The following IQUB variants were observed in gnomAD, a reference collection of about 807,000 sequenced individuals.
IQUB encodes the protein IQ motif and ubiquitin domain containing, also known as IQ motif and ubiquitin-like domain-containing protein.
In IQUB, 86 loss-of-function variants were observed where a neutral mutation model predicts 86.4. That is an observed-to-expected ratio of 1.00 (90% CI 0.84 to 1.19). IQUB has a LOEUF of 1.19. IQUB is among the 50% of genes most tolerant of loss of function. IQUB has a pLI of 0.00. For synonymous variants in IQUB, 289 were observed against 304.5 expected (o/e 0.95, Z 0.53); for missense variants, 946 against 916.9 (o/e 1.03, Z -0.41).
chr7:123,509,897 T>C lies in IQUB; in HGVS notation c.532+4A>G. The C allele has an allele frequency of 6.3e-7, 1 of 1,598,102 alleles. No individual in the cohort carries two copies. The highest frequency in any genetic ancestry group is 8.5e-7 in the Non-Finnish European group (1 of 1,175,214). On this transcript the variant is annotated splice_donor_region_variant and intron_variant, in intron 3 of 12. Coordinates refer to ENST00000324698, the MANE Select transcript of IQUB (RefSeq NM_178827.5). ...TGATATGTTTTATTAGCCTCCAAAC[T>C]TACCTGAGTATCTTATCTGCAGTAC...
intron 7 of IQUB, among the ~76,000 whole-genome samples, chr7:123,483,521 A>G (rs890293783): frequency 6.6e-6 from 1 of 152,218 alleles, no homozygotes; most frequent in East Asian, 1.9e-4. Flanking sequence ...TTCATTCCCA[A>G]TTCAAAACAC....
intron 7 of IQUB, among the ~76,000 whole-genome samples, 184 bp downstream of exon 7, chr7:123,496,512 T>A (rs1371043983): frequency 6.6e-6 from 1 of 152,186 alleles, no homozygotes; most frequent in African/African-American, 2.4e-5. Context: ...GCATTTCTAA[T>A]TTCATTTCAG....
chr7:123,453,992 A>G (rs1793572089), intron 12 of IQUB, among the ~76,000 whole-genome samples: 1 of 152,180 alleles, frequency 6.6e-6, no homozygotes, highest in Non-Finnish European at 1.5e-5. Flanking sequence ...TTTTCTGAGA[A>G]TAAGACATTC....
chr7:123,523,871 G>T (rs1797041133), intron 1 of IQUB, among the ~76,000 whole-genome samples: 1 of 152,058 alleles, frequency 6.6e-6, no homozygotes, highest in South Asian at 2.1e-4. Context: ...ATCTTGAATT[G>T]ATTTTTGTAT....
At position 123,457,530 on chromosome 7, in the gene IQUB, C is replaced by T. The variant is rs756860233; in HGVS notation, c.2044G>A (p.Ala682Thr). The change falls in exon 12 of 13, where the codon GCG (alanine) becomes ACG (threonine). Residue 682 changes from alanine to threonine, a missense_variant. Transcript: ENST00000324698. ...CAAGCACTGAGGACTGACTGGGACG[C>T]CCAGATGTTCTCTGTCAGGTACTGA... The part of the protein sequence containing the change: ...DIQYLTENIW[A>T]SQSVLSACDN... 2 of 1,607,928 alleles carry T rather than the reference C, an allele frequency of 1.2e-6. No homozygotes were observed. The highest frequency in any genetic ancestry group is 2.7e-5 in the African/African-American group (2 of 74,450).
At chr7:123,519,705 A>G (rs2117310604) in intron 1 of IQUB, among the ~76,000 whole-genome samples, 1 of 152,314 alleles carries the variant, frequency 6.6e-6, no homozygotes, top group South Asian at 2.1e-4. Context: ...ATACATTTAC[A>G]TAGAAGGAGT....
intron 7 of IQUB, among the ~76,000 whole-genome samples, chr7:123,496,173 A>C (rs1795699186): frequency 6.6e-6 from 1 of 152,138 alleles, no homozygotes; most frequent in Admixed American, 6.6e-5. Flanking sequence ...TGAAACTTTT[A>C]ATTTATCCAT....
In IQUB at chr7:123,457,505, CA is replaced by C; in HGVS notation, c.2068del (p.Cys690AlafsTer37). On this transcript the variant is annotated frameshift_variant, in exon 12 of 13. Transcript: ENST00000324698. LOFTEE classifies it high-confidence loss of function. ...CATGACCAGATCACTGAGATTGTCG[CA>C]AGCACTGAGGACTGACTGGGACGCC... ...IWASQSVLSA[C>X]DNLSDLVMVR... is the part of the protein sequence containing the mutation. 1 of 1,611,544 alleles carries C rather than the reference CA, an allele frequency of 6.2e-7. No homozygotes were observed. The highest frequency in any genetic ancestry group is 8.5e-7 in the Non-Finnish European group (1 of 1,178,920).
At chr7:123,526,502 C>A (rs200652310) in intron 1 of IQUB, among the ~76,000 whole-genome samples, 1 of 152,020 alleles carries the variant, frequency 6.6e-6, no homozygotes, top group Admixed American at 6.6e-5. Context: ...TCTGTTTTAT[C>A]AGAGACTAGG....
intron 1 of IQUB, among the ~76,000 whole-genome samples, chr7:123,518,393 CCT>C (rs1796745784): frequency 6.6e-6 from 1 of 152,044 alleles, no homozygotes; most frequent in Non-Finnish European, 1.5e-5. Flanking sequence ...ATGCCATGCC[CCT>C]CTCATACTTG....
chr7:123,486,870 G>A (rs926128858), intron 7 of IQUB, among the ~76,000 whole-genome samples: 12 of 99,264 alleles, frequency 1.2e-4, no homozygotes, highest in African/African-American at 4.1e-4. Flanking sequence ...CAGGTAATAA[G>A]CTTATTCAGC....
In IQUB at chr7:123,452,784, T is replaced by A. The variant is rs1793486673; in HGVS notation, c.2335A>T (p.Thr779Ser). ...TGGGATTCTATAATCTTAGGTGTTG[T>A]GTCTGAGTGATACTTCCATCTGATC... ...DEIRWKYHSDTTPKIIESQRP... is the reference protein window; with the variant it reads ...DEIRWKYHSDSTPKIIESQRP... Residue 779 changes from threonine to serine, a missense_variant, in exon 13 of 13, where the codon ACA becomes TCA. Coordinates refer to ENST00000324698, the MANE Select transcript of IQUB (RefSeq NM_178827.5). 1 of 1,613,632 alleles carries A rather than the reference T, an allele frequency of 6.2e-7. No homozygotes were observed. Among genetic ancestry groups the A allele is most frequent in the East Asian group, 2.2e-5 (1 of 44,836 alleles).
At chr7:123,486,139 T>A (rs1271802012) in intron 7 of IQUB, among the ~76,000 whole-genome samples, 1 of 152,166 alleles carries the variant, frequency 6.6e-6, no homozygotes, top group Non-Finnish European at 1.5e-5. Context: ...TACGTTAGAC[T>A]GATATTTTTG....
intron 1 of IQUB, among the ~76,000 whole-genome samples, chr7:123,531,913 G>A (rs1797553369): frequency 6.6e-6 from 1 of 152,048 alleles, no homozygotes; most frequent in Non-Finnish European, 1.5e-5. Context: ...TGATCTCCTG[G>A]GACTTCAGCA....
chr7:123,459,569 C>CTGTT (rs1454531254), intron 11 of IQUB: 2 of 152,010 alleles, frequency 1.3e-5, no homozygotes, highest in African/African-American at 2.4e-5. Flanking sequence ...GGGCCATCAG[C>CTGTT]TGTTTAGGTT....
At chr7:123,497,438 T>C (rs140961274) in intron 6 of IQUB, among the ~76,000 whole-genome samples, 2 of 152,122 alleles carry the variant, frequency 1.3e-5, no homozygotes, top group Admixed American at 6.6e-5. Context: ...CAGGTAGGTA[T>C]GTGTGGAAAC....
intron 6 of IQUB, 40 bp downstream of exon 6, chr7:123,502,557 T>A: frequency 6.3e-7 from 1 of 1,576,538 alleles, no homozygotes; most frequent in Non-Finnish European, 8.6e-7. Flanking sequence ...GGCTTATATA[T>A]CAAATTTTTA....
chr7:123,528,817 A>T (rs1797385816), intron 1 of IQUB, among the ~76,000 whole-genome samples: 1 of 152,242 alleles, frequency 6.6e-6, no homozygotes, highest in Non-Finnish European at 1.5e-5. Context: ...AAAAATATTC[A>T]GCAGATTTTT....
intron 1 of IQUB, among the ~76,000 whole-genome samples, chr7:123,516,899 C>T (rs1796662147): frequency 6.6e-6 from 1 of 152,142 alleles, no homozygotes; most frequent in Admixed American, 6.5e-5. Context: ...ATCCTACCTA[C>T]AAGCTAACAA....
Sources: gnomAD v4.1 joint callset for allele counts (sites outside exome capture counted in the v4.1 genomes callset) on GRCh38, gnomAD v4.1.1 for gene constraint, MANE v1.5 for transcripts, NCBI Gene and HGNC (gene_info 2026-07-23, HGNC 2026-07-21) for gene names.